Variants in ELMO1 observed in about 807,000 individuals in gnomAD.
ELMO1 encodes the protein engulfment and cell motility protein 1.
A neutral mutation model predicts 98.9 loss-of-function variants in ELMO1; 26 were observed. The ratio of observed to expected loss-of-function variants is 0.26; its 90% CI spans 0.19 to 0.36. The LOEUF (loss-of-function observed/expected upper bound fraction) is 0.36, where lower values mean the gene tolerates loss of function less well. ELMO1 is among the 10% of genes least tolerant of loss of function. ELMO1 has a pLI of 1.00. For missense variants in ELMO1, 627 were observed against 935.2 expected (o/e 0.67, Z 4.30); for synonymous variants, 346 against 346.0 (o/e 1.00, Z 0.00).
chr7:37,080,686 C>T (rs763152264), intron 15 of ELMO1, among the ~76,000 whole-genome samples: 2 of 146,832 alleles, frequency 1.4e-5, no homozygotes, highest in African/African-American at 2.5e-5. Flanking sequence ...CTTCTGACCT[C>T]GTGATCCACC....
At chr7:37,150,649 T>C (rs565297965) in intron 13 of ELMO1, among the ~76,000 whole-genome samples, 2 of 152,306 alleles carry the variant, frequency 1.3e-5, no homozygotes, top group South Asian at 2.1e-4. Context: ...TGTATTATTA[T>C]ATAAAGTATA....
intron 6 of ELMO1, among the ~76,000 whole-genome samples, chr7:37,250,627 C>T (rs764557721): frequency 6.6e-6 from 1 of 151,898 alleles, no homozygotes; most frequent in African/African-American, 2.4e-5. Flanking sequence ...CCTGTCTCTA[C>T]TAAAAACACA....
chr7:37,407,034 C>T (rs943875347), intron 1 of ELMO1, among the ~76,000 whole-genome samples: 4 of 152,028 alleles, frequency 2.6e-5, no homozygotes, highest in African/African-American at 4.8e-5. Context: ...TTTATAATAG[C>T]GTTGAAAAAA....
At chr7:37,012,645 T>C (rs35288494) in intron 16 of ELMO1, among the ~76,000 whole-genome samples, 8,049 of 152,324 alleles carry the variant, frequency 0.053, 235 homozygotes, top group Middle Eastern at 0.088. Flanking sequence ...CTGCTGGTTA[T>C]TCACACACAA....
chr7:37,204,511 A>G (rs1792491871), intron 13 of ELMO1, among the ~76,000 whole-genome samples: 1 of 152,174 alleles, frequency 6.6e-6, no homozygotes, highest in South Asian at 2.1e-4. Flanking sequence ...CACAGACCCA[A>G]AGAGTGAGCA....
At chr7:36,867,529 A>G (rs1396638228) in intron 20 of ELMO1, among the ~76,000 whole-genome samples, 4 of 151,744 alleles carry the variant, frequency 2.6e-5, no homozygotes, top group Non-Finnish European at 5.9e-5. Flanking sequence ...TCTAAATTTT[A>G]TATTTCTTTT....
At chr7:37,008,976 GC>G (rs1309737971) in intron 16 of ELMO1, among the ~76,000 whole-genome samples, 3 of 152,280 alleles carry the variant, frequency 2.0e-5, no homozygotes, top group African/African-American at 7.2e-5. Flanking sequence ...GTTTTCAAAA[GC>G]CCCCAGGTGA....
At chr7:36,869,665 G>A (rs1803344382) in intron 20 of ELMO1, among the ~76,000 whole-genome samples, 1 of 152,246 alleles carries the variant, frequency 6.6e-6, no homozygotes, top group East Asian at 1.9e-4. Flanking sequence ...GCTCCCTGAC[G>A]GCCTCTCCAA....
intron 4 of ELMO1, among the ~76,000 whole-genome samples, chr7:37,309,908 C>G (rs936615778): frequency 3.3e-5 from 5 of 152,202 alleles, no homozygotes; most frequent in Admixed American, 2.0e-4. Flanking sequence ...TGCTTACTTA[C>G]AGCTGGATCT....
At chr7:37,086,363 TGTGTGAAGA>T (rs1031845116) in intron 15 of ELMO1, among the ~76,000 whole-genome samples, 9 of 151,310 alleles carry the variant, frequency 5.9e-5, no homozygotes, top group African/African-American at 1.9e-4. Context: ...TGTGTGTGTG[TGTGTGAAGA>T]GAAGGAGAGA....
At chr7:37,000,739 C>T (rs552437217) in intron 16 of ELMO1, among the ~76,000 whole-genome samples, 75 of 152,144 alleles carry the variant, frequency 4.9e-4, no homozygotes, top group African/African-American at 1.7e-3. Context: ...GAAGGTCTCT[C>T]GGCAGCCATC....
chr7:37,200,898 G>C (rs1465242550), intron 13 of ELMO1, among the ~76,000 whole-genome samples: 2 of 150,734 alleles, frequency 1.3e-5, no homozygotes, highest in Non-Finnish European at 2.9e-5. Flanking sequence ...AGCCGAGATC[G>C]CACCACTGCA....
chr7:37,257,888 C>A (rs762982795), intron 6 of ELMO1, among the ~76,000 whole-genome samples: 1 of 148,936 alleles, frequency 6.7e-6, no homozygotes. Context: ...AGTCCCAGCA[C>A]TTTGGGAGGC....
At position 37,387,980 on chromosome 7, in the gene ELMO1, T is replaced by C. The variant is rs1802881848; in HGVS notation, c.-73-45217A>G. On this transcript the variant is annotated intron_variant, in intron 1 of 21. Transcript: ENST00000310758. ...CCAAGTAGCTGGGACTACAGGTACA[T>C]GCCACCACGCCTGGCCAATTTTTAC... 2.6e-5 allele frequency among the ~76,000 whole-genome samples: 4 copies of C among 152,130 alleles called. 1 individual carries two copies. In the South Asian group the frequency reaches 8.3e-4, roughly 32 times the overall value.
intron 13 of ELMO1, among the ~76,000 whole-genome samples, chr7:37,136,002 T>C (rs1416365809): frequency 6.6e-6 from 1 of 152,144 alleles, no homozygotes; most frequent in Non-Finnish European, 1.5e-5. Context: ...AAAGAAAAAT[T>C]CTTCAGTGAA....
intron 13 of ELMO1, among the ~76,000 whole-genome samples, chr7:37,140,829 G>T (rs185710782): frequency 1.3e-5 from 2 of 152,100 alleles, no homozygotes; most frequent in African/African-American, 4.8e-5. Flanking sequence ...AAACCACAAT[G>T]CAATACCACC....
intron 7 of ELMO1, among the ~76,000 whole-genome samples, chr7:37,238,020 C>T (rs566465474): frequency 6.6e-6 from 1 of 152,206 alleles, no homozygotes; most frequent in South Asian, 2.1e-4. Context: ...ATTCTAGGTC[C>T]CACACATTAC....
intron 16 of ELMO1, among the ~76,000 whole-genome samples, chr7:36,971,432 C>A (rs1252987314): frequency 6.6e-6 from 1 of 152,062 alleles, no homozygotes; most frequent in Non-Finnish European, 1.5e-5. Flanking sequence ...TATTTGAAGA[C>A]ATAAGAAAAG....
At chr7:37,380,552 G>A (rs891436718) in intron 1 of ELMO1, among the ~76,000 whole-genome samples, 6 of 152,094 alleles carry the variant, frequency 3.9e-5, no homozygotes, top group Admixed American at 6.5e-5. Flanking sequence ...GTTACTTTCC[G>A]AAGCTGATAG....
Sources: gnomAD v4.1 joint callset for allele counts (sites outside exome capture counted in the v4.1 genomes callset) on GRCh38, gnomAD v4.1.1 for gene constraint, MANE v1.5 for transcripts, NCBI Gene and HGNC (gene_info 2026-07-23, HGNC 2026-07-21) for gene names.